UBR3: variants seen among roughly 807,000 people sequenced by gnomAD.
UBR3 encodes E3 ubiquitin-protein ligase UBR3.
Under a neutral mutation model 243.2 loss-of-function variants are expected in UBR3, and 85 were observed. The ratio of observed to expected loss-of-function variants is 0.35; its 90% CI spans 0.29 to 0.42. The LOEUF (loss-of-function observed/expected upper bound fraction) is 0.42. UBR3 is among the 10% of genes least tolerant of loss of function. The pLI, the probability that UBR3 is intolerant of heterozygous loss-of-function variation, is 1.00. For synonymous variants in UBR3, 748 were observed against 799.8 expected, an observed-to-expected ratio of 0.94 and a Z score of 1.09; for missense variants, 1,686 against 2,300.8, an observed-to-expected ratio of 0.73 and a Z score of 5.47.
At chr2:169,866,631 G>T (rs938621458) in intron 1 of UBR3, among the ~76,000 whole-genome samples, 6 of 152,272 alleles carry the variant, frequency 3.9e-5, no homozygotes, top group African/African-American at 7.2e-5. Flanking sequence ...CCAAAGTACT[G>T]GGATTACAGG....
chr2:170,036,203 A>G (rs1328375918), intron 31 of UBR3, among the ~76,000 whole-genome samples: 2 of 152,032 alleles, frequency 1.3e-5, no homozygotes, highest in Non-Finnish European at 2.9e-5. Context: ...TTCCAGTATG[A>G]TGTTGAAAAG....
chr2:169,844,575 C>T (rs561338167), intron 1 of UBR3, among the ~76,000 whole-genome samples: 2 of 150,252 alleles, frequency 1.3e-5, no homozygotes, highest in Admixed American at 6.7e-5. Context: ...CTCACTGCAA[C>T]CTCTGCCTCC....
At chr2:170,045,737 C>T (rs548656768) in intron 32 of UBR3, among the ~76,000 whole-genome samples, 22 of 152,224 alleles carry the variant, frequency 1.4e-4, no homozygotes, top group Middle Eastern at 3.4e-3. Context: ...AGTCTTGTTT[C>T]ATTTATACCC....
chr2:169,850,425 C>T (rs189965413), intron 1 of UBR3, among the ~76,000 whole-genome samples: 1,670 of 152,260 alleles, frequency 0.011, 14 homozygotes, highest in Non-Finnish European at 0.018. Flanking sequence ...GGGATCCTCC[C>T]GTCTCCTCCT....
At chr2:169,976,732 G>A (rs150868007) in intron 24 of UBR3, among the ~76,000 whole-genome samples, 2 of 152,152 alleles carry the variant, frequency 1.3e-5, no homozygotes, top group African/African-American at 4.8e-5. Flanking sequence ...GTTTGCCTTG[G>A]GGAGGACCTT....
At chr2:169,859,952 T>C (rs931462545) in intron 1 of UBR3, among the ~76,000 whole-genome samples, 5 of 151,744 alleles carry the variant, frequency 3.3e-5, no homozygotes, top group East Asian at 1.9e-4. Context: ...CTCCTGACCT[T>C]GTGATCCACC....
chr2:170,000,732 T>C (rs753096071), intron 26 of UBR3, among the ~76,000 whole-genome samples: 3 of 152,156 alleles, frequency 2.0e-5, no homozygotes, highest in Non-Finnish European at 2.9e-5. Flanking sequence ...AAATTACTGC[T>C]TAAATCACTA....
intron 22 of UBR3, 191 bp downstream of exon 22, chr2:169,947,906 G>A (rs2086849517): frequency 1.0e-6 from 1 of 985,014 alleles, no homozygotes; most frequent in African/African-American, 1.7e-5. Flanking sequence ...ATCTGCCAGA[G>A]TTCACGACGG....
At chr2:169,864,355 G>C (rs933817386) in intron 1 of UBR3, among the ~76,000 whole-genome samples, 6 of 152,048 alleles carry the variant, frequency 3.9e-5, no homozygotes, top group African/African-American at 1.4e-4. Flanking sequence ...ATGAGGACAA[G>C]GCCTCCATAT....
intron 31 of UBR3, among the ~76,000 whole-genome samples, chr2:170,035,552 C>T (rs1472256384): frequency 1.3e-5 from 2 of 151,890 alleles, no homozygotes; most frequent in Non-Finnish European, 1.5e-5. Context: ...ACCATATTGT[C>T]TTGATTACTG....
intron 10 of UBR3, among the ~76,000 whole-genome samples, chr2:169,906,888 C>G (rs1559081000): frequency 6.6e-6 from 1 of 152,088 alleles, no homozygotes. Flanking sequence ...AAAGCCTGCT[C>G]TTTGTTATTG....
In UBR3 at chr2:170,001,426, G is replaced by T. The variant is rs1335542317; in HGVS notation, c.4029+12G>T. ...TGGAATCATTACGGGTAAGTTGATTGCAAAAATTTTTTAAAGGTGCATGTA... is the reference window on the plus strand; with the variant it reads ...TGGAATCATTACGGGTAAGTTGATTTCAAAAATTTTTTAAAGGTGCATGTA... On this transcript the variant is annotated intron_variant, in intron 27 of 38. Coordinates refer to ENST00000272793, the MANE Select transcript of UBR3 (RefSeq NM_172070.4). The T allele has an allele frequency of 1.9e-6, 3 of 1,585,416 alleles. No individual in the cohort carries two copies. In the African/African-American group the frequency reaches 4.0e-5, roughly 21 times the overall value.
chr2:169,900,100 T>C (rs1469537444), intron 8 of UBR3, among the ~76,000 whole-genome samples: 3 of 152,220 alleles, frequency 2.0e-5, no homozygotes, highest in Admixed American at 2.0e-4. Flanking sequence ...TGAACTAATT[T>C]ACACTCCCAC....
At chr2:169,856,776 G>T (rs1460070844) in intron 1 of UBR3, among the ~76,000 whole-genome samples, 1 of 151,522 alleles carries the variant, frequency 6.6e-6, no homozygotes, top group African/African-American at 2.4e-5. Context: ...AGCCAAGATG[G>T]CGGCAGTACA....
Position 169,857,064 on chromosome 2 carries a change from G to GTTTTGTTT in UBR3, c.546-15168_546-15167insGTTTTTTT, listed in dbSNP as rs1255937396. Reference sequence around the variant, plus strand: ...ATGATTTCCAGCATAATTTTATTATGTTTTTTTTTTTTTTTTTTTTTTTTT... The same window carrying GTTTTGTTT: ...ATGATTTCCAGCATAATTTTATTATGTTTTGTTTTTTTTTTTTTTTTTTTTTTTTTTTT... On this transcript the variant is annotated intron_variant, in intron 1 of 38. Coordinates refer to ENST00000272793, the MANE Select transcript of UBR3 (RefSeq NM_172070.4). Among the ~76,000 whole-genome samples, 135 of 56,082 alleles carry GTTTTGTTT rather than the reference G, an allele frequency of 2.4e-3. 1 individual carries two copies. Among genetic ancestry groups the GTTTTGTTT allele is most frequent in the East Asian group, 3.5e-3 (4 of 1,150 alleles). The allele number at this position is 56,082 out of a possible 152,430, so 36.8% of individuals were successfully genotyped here.
intron 1 of UBR3, among the ~76,000 whole-genome samples, chr2:169,850,798 T>A (rs2082631799): frequency 6.6e-6 from 1 of 150,778 alleles, no homozygotes; most frequent in South Asian, 2.1e-4. Flanking sequence ...GAGCTGAGAT[T>A]GCGCCACTCC....
chr2:169,896,573 G>A lies in UBR3; in HGVS notation c.1303G>A (p.Glu435Lys), dbSNP rs1452533082. The change falls in exon 8 of 39, where the codon GAA (glutamate) becomes AAA (lysine). Residue 435 changes from glutamate (E) to lysine (K), a missense_variant. This residue lies in a region of UBR3 where 346 missense variants were observed against 585.8 expected (regional missense o/e 0.59). Coordinates refer to ENST00000272793, the MANE Select transcript of UBR3 (RefSeq NM_172070.4). ...FIMKTLKKSH[E>K]SDTMSNRIVH... ...TATGAAAACACTGAAGAAAAGTCATGAATCAGACACAATGTCTAACAGAAT... is the reference window on the plus strand; with the variant it reads ...TATGAAAACACTGAAGAAAAGTCATAAATCAGACACAATGTCTAACAGAAT... The A allele has an allele frequency of 1.3e-6, 2 of 1,550,338 alleles. No individual in the cohort carries two copies. Among genetic ancestry groups the A allele is most frequent in the Non-Finnish European group, 1.7e-6 (2 of 1,146,336 alleles).
Position 169,947,551 on chromosome 2 carries a change from G to T in UBR3, c.2920G>T (p.Gly974Cys). 1.3e-6 allele frequency: 2 copies of T among 1,491,444 alleles called. No homozygotes were observed. The highest frequency in any genetic ancestry group is 1.4e-5 in the African/African-American group (1 of 69,924). The allele number at this position is 1,491,444 out of a possible 1,614,324, so 92.4% of individuals were successfully genotyped here. ...TTTTTTTTTATTTTAGGCATCAGTGGGTGGACCAGAACGTTGTCATGACAG... is the reference window on the plus strand; with the variant it reads ...TTTTTTTTTATTTTAGGCATCAGTGTGTGGACCAGAACGTTGTCATGACAG... Reference protein sequence around the residue: ...EEESDEEASVGGPERCHDSWF... With the variant: ...EEESDEEASVCGPERCHDSWF... Residue 974 changes from glycine to cysteine, a missense_variant, in exon 22 of 39, where the codon GGT (glycine) becomes TGT (cysteine). This residue lies in a region of UBR3 where 300 missense variants were observed against 314.4 expected (regional missense o/e 0.95). Transcript: ENST00000272793.
At chr2:169,907,058 T>TTA (rs1403921826) in intron 10 of UBR3, among the ~76,000 whole-genome samples, 2 of 142,360 alleles carry the variant, frequency 1.4e-5, no homozygotes, top group African/African-American at 5.4e-5. Context: ...TTTTTTTTTT[T>TTA]AGAGGGAGTC....
Sources: gnomAD v4.1 joint callset for allele counts (sites outside exome capture counted in the v4.1 genomes callset) on GRCh38, gnomAD v4.1.1 for gene constraint, gnomAD v4.1.1 regional missense constraint, MANE v1.5 for transcripts, NCBI Gene and HGNC (gene_info 2026-07-23, HGNC 2026-07-21) for gene names.